KIAA1217: variants seen among roughly 807,000 people sequenced by gnomAD.
KIAA1217 encodes the protein sickle tail protein homolog.
KIAA1217 carries 88 observed loss-of-function variants against 163.9 expected under a neutral mutation model. That is an observed-to-expected ratio of 0.54 (90% CI 0.45 to 0.64). The LOEUF (loss-of-function observed/expected upper bound fraction) is 0.64. KIAA1217 is among the 30% of genes least tolerant of loss of function. The pLI is 0.00. For synonymous variants in KIAA1217, 903 were observed against 923.1 expected (o/e 0.98, Z 0.39); for missense variants, 2,372 against 2,475.0 (o/e 0.96, Z 0.88).
chr10:24,236,620 T>C (rs2072300423), intron 2 of KIAA1217, among the ~76,000 whole-genome samples: 1 of 152,154 alleles, frequency 6.6e-6, no homozygotes, highest in South Asian at 2.1e-4. Flanking sequence ...TGTGTTCTTT[T>C]ATCTTTGTGA....
chr10:23,853,772 T>C (rs1351725778), intron 1 of KIAA1217, among the ~76,000 whole-genome samples: 1 of 152,210 alleles, frequency 6.6e-6, no homozygotes, highest in Admixed American at 6.5e-5. Flanking sequence ...AATTTATCCA[T>C]TTCTTCTAGA....
intron 2 of KIAA1217, among the ~76,000 whole-genome samples, chr10:24,026,742 A>ATTTTTTTTTTTTTTTTTTTTTTTTCTTT: frequency 2.9e-5 from 2 of 70,094 alleles, no homozygotes; most frequent in African/African-American, 5.9e-5. Context: ...TATTTCATTG[A>ATTTTTTTTTTTTTTTTTTTTTTTTCTTT]TTTTTTTTTT....
intron 1 of KIAA1217, among the ~76,000 whole-genome samples, chr10:23,995,227 A>T (rs1038527409): frequency 6.6e-6 from 1 of 152,168 alleles, no homozygotes; most frequent in South Asian, 2.1e-4. Context: ...ACAAAATAAC[A>T]GAAGACCAAG....
chr10:24,206,308 A>G (rs1463871367), upstream of KIAA1217, among the ~76,000 whole-genome samples: 1 of 152,276 alleles, frequency 6.6e-6, no homozygotes, highest in African/African-American at 2.4e-5. Flanking sequence ...CCCAGAAATT[A>G]AATTAAACCA....
chr10:23,829,597 T>A (rs1838076072), intron 1 of KIAA1217, among the ~76,000 whole-genome samples: 3 of 152,192 alleles, frequency 2.0e-5, no homozygotes, highest in African/African-American at 4.8e-5. Flanking sequence ...TTAATCCAAG[T>A]GTTTTATGTT....
intron 5 of KIAA1217, among the ~76,000 whole-genome samples, chr10:24,453,308 G>A (rs1318082461): frequency 6.6e-6 from 1 of 152,158 alleles, no homozygotes; most frequent in Non-Finnish European, 1.5e-5. Flanking sequence ...TGGTACCTGA[G>A]TCCAGCCAGC....
chr10:24,188,890 G>C lies in KIAA1217; in HGVS notation c.-170-30736G>C, dbSNP rs1589830491. Reference sequence around the variant, plus strand: ...GGAGGCCGAGGCGGGCAGATCGCGGGGTCAGGAGATCGAGACCATCCTGGC... The same window carrying C: ...GGAGGCCGAGGCGGGCAGATCGCGGCGTCAGGAGATCGAGACCATCCTGGC... On this transcript the variant is annotated intron_variant, in intron 2 of 18. Transcript: ENST00000376462. Among the ~76,000 whole-genome samples the C allele has an allele frequency of 2.6e-5, 4 of 152,140 alleles. No homozygotes were observed. The South Asian group carries it at 8.3e-4, about 32-fold the overall frequency.
At chr10:24,520,688 A>ACACACACACACACAC (rs370017339) in intron 11 of KIAA1217, among the ~76,000 whole-genome samples, 3 of 117,404 alleles carry the variant, frequency 2.6e-5, no homozygotes, top group South Asian at 2.8e-4. Context: ...ACACACACAC[A>ACACACACACACACAC]AAAAAAAATT....
chr10:24,006,004 G>C (rs1175106880), intron 1 of KIAA1217, among the ~76,000 whole-genome samples: 1 of 152,122 alleles, frequency 6.6e-6, no homozygotes, highest in Non-Finnish European at 1.5e-5. Flanking sequence ...CAGGAACCTA[G>C]ACTTCACCTG....
At chr10:23,848,977 A>G (rs766363203) in intron 1 of KIAA1217, among the ~76,000 whole-genome samples, 3 of 152,100 alleles carry the variant, frequency 2.0e-5, no homozygotes, top group Non-Finnish European at 4.4e-5. Flanking sequence ...TATTAGCTCT[A>G]GTAGTGCAGA....
intron 1 of KIAA1217, among the ~76,000 whole-genome samples, chr10:23,718,184 G>A (rs1837678023): frequency 6.6e-6 from 1 of 152,130 alleles, no homozygotes; most frequent in Admixed American, 6.5e-5. Flanking sequence ...AACCTAATAT[G>A]TGAATTTCCT....
chr10:24,243,844 T>C lies in KIAA1217; in HGVS notation c.354+23935T>C, dbSNP rs2073426940. ...TATGTATATATACATATAGATCCTG[T>C]TTTAGAAGCCCAGTGAAGCTTTTTA... On this transcript the variant is annotated intron_variant, in intron 2 of 20. Transcript: ENST00000376454. Among the ~76,000 whole-genome samples the C allele has an allele frequency of 2.0e-5, 3 of 152,096 alleles. 1 individual carries two copies. The South Asian group carries it at 6.2e-4, about 31-fold the overall frequency.
intron 2 of KIAA1217, among the ~76,000 whole-genome samples, chr10:24,171,874 G>A (rs2065646529): frequency 2.6e-5 from 4 of 151,846 alleles, no homozygotes; most frequent in Admixed American, 2.6e-4. Context: ...AAAAATCATA[G>A]CAAAAAGCTA....
chr10:24,056,575 G>T, intron 2 of KIAA1217, among the ~76,000 whole-genome samples: 1 of 152,080 alleles, frequency 6.6e-6, no homozygotes, highest in Middle Eastern at 3.2e-3. Flanking sequence ...GTTTGACCAT[G>T]TACCCAGCTA....
rs948850859 is a variant in KIAA1217, at chr10:24,475,281, C to T, written c.1679+1221C>T. On this transcript the variant is annotated intron_variant, in intron 6 of 20. Coordinates refer to ENST00000376454, the MANE Select transcript of KIAA1217 (RefSeq NM_019590.5). ...GTTATTCAATACCTTATTAGAACCA[C>T]TGCTTCTCACTAAAAAATGTTAATA... 4.2e-4 allele frequency among the ~76,000 whole-genome samples: 64 copies of T among 152,310 alleles called. 1 individual carries two copies. Among genetic ancestry groups the T allele is most frequent in the African/African-American group, 1.5e-3 (63 of 41,568 alleles).
rs1485137878 is a variant in KIAA1217, at chr10:24,542,691, A to G, written c.3535-2A>G. On this transcript the variant is annotated splice_acceptor_variant, in intron 17 of 20. Coordinates refer to ENST00000376454, the MANE Select transcript of KIAA1217 (RefSeq NM_019590.5). LOFTEE classifies it high-confidence loss of function. ...GTAACATGTCCTACACTATTCTACC[A>G]GAATTTGGAATTTTTCCATGAAGAT... The G allele has an allele frequency of 1.2e-6, 2 of 1,613,850 alleles. No homozygotes were observed. The highest frequency in any genetic ancestry group is 1.3e-5 in the African/African-American group (1 of 74,934).
At chr10:24,206,668 G>C (rs939554644), upstream of KIAA1217, among the ~76,000 whole-genome samples, 1 of 152,178 alleles carries the variant, frequency 6.6e-6, no homozygotes, top group Admixed American at 6.5e-5. Context: ...TCATTCAAAA[G>C]AACATTATTT....
At chr10:23,855,476 T>A (rs932635221) in intron 1 of KIAA1217, among the ~76,000 whole-genome samples, 3 of 152,210 alleles carry the variant, frequency 2.0e-5, no homozygotes, top group African/African-American at 4.8e-5. Context: ...CTTTGGTGAA[T>A]CTGACAATTA....
rs551103737 is a variant in KIAA1217 at position 24,289,571 on chromosome 10, G to A, written c.354+69662G>A. Among the ~76,000 whole-genome samples the A allele has an allele frequency of 5.9e-5, 9 of 152,236 alleles. No individual in the cohort carries two copies. The South Asian group carries it at 1.7e-3, about 28-fold the overall frequency. On this transcript the variant is annotated intron_variant, in intron 2 of 20. Transcript: ENST00000376454. The stretch of plus-strand genomic sequence containing the variant: ...TGTAGAAGGTTTACTGCTTGCCATC[G>A]AATTTTCCAACAAAGATCTTCCACT...
Sources: gnomAD v4.1 joint callset for allele counts (sites outside exome capture counted in the v4.1 genomes callset) on GRCh38, gnomAD v4.1.1 for gene constraint, MANE v1.5 for transcripts, NCBI Gene and HGNC (gene_info 2026-07-23, HGNC 2026-07-21) for gene names.